Variants in STK32B observed in about 807,000 individuals in gnomAD.
STK32B encodes the protein serine/threonine kinase 32B.
Under a neutral mutation model 52.6 loss-of-function variants are expected in STK32B, and 43 were observed. The ratio of observed to expected loss-of-function variants is 0.82; its 90% CI spans 0.64 to 1.05. The LOEUF is 1.05. Ranked by LOEUF, STK32B falls within the 50% of genes least tolerant of loss-of-function variation. The probability of loss-of-function intolerance (pLI) is 0.00; values close to 1 mark genes in which losing one functional copy is unlikely to be tolerated. For missense variants in STK32B, 621 were observed against 534.6 expected, an observed-to-expected ratio of 1.16 and a Z score of -1.59; for synonymous variants, 238 against 204.3, an observed-to-expected ratio of 1.17 and a Z score of -1.41.
intron 2 of STK32B, among the ~76,000 whole-genome samples, chr4:5,163,560 G>A (rs1436912252): frequency 6.7e-6 from 1 of 150,260 alleles, no homozygotes; most frequent in Non-Finnish European, 1.5e-5. Flanking sequence ...GTGTGTGTGT[G>A]TGTGTGTGTG....
intron 11 of STK32B, among the ~76,000 whole-genome samples, chr4:5,490,887 T>TA (rs1279153483): frequency 6.6e-6 from 1 of 152,204 alleles, no homozygotes; most frequent in Non-Finnish European, 1.5e-5. Flanking sequence ...TCCATGTCCC[T>TA]ACAAAGGACA....
chr4:5,381,566 G>A (rs1031955579), intron 4 of STK32B, among the ~76,000 whole-genome samples: 1 of 152,184 alleles, frequency 6.6e-6, no homozygotes, highest in African/African-American at 2.4e-5. Context: ...CACATGCTAG[G>A]GGCTGGCCAT....
At chr4:5,188,776 CTTTT>C (rs1344183588) in intron 3 of STK32B, among the ~76,000 whole-genome samples, 1 of 112,902 alleles carries the variant, frequency 8.9e-6, no homozygotes, top group African/African-American at 3.2e-5. Context: ...TAACTGCCAT[CTTTT>C]TTTTTTTTTT....
chr4:5,186,051 A>G (rs1024066913), intron 3 of STK32B, among the ~76,000 whole-genome samples: 1 of 152,178 alleles, frequency 6.6e-6, no homozygotes, highest in Non-Finnish European at 1.5e-5. Flanking sequence ...CATCCTCCAC[A>G]GGAATTCATT....
intron 4 of STK32B, among the ~76,000 whole-genome samples, chr4:5,348,166 C>T (rs1411349400): frequency 6.6e-6 from 1 of 152,062 alleles, no homozygotes; most frequent in Admixed American, 6.5e-5. Flanking sequence ...GTGAGAGACC[C>T]CTCAGGGGTC....
At chr4:5,490,970 T>C (rs1719682762) in intron 11 of STK32B, among the ~76,000 whole-genome samples, 1 of 152,208 alleles carries the variant, frequency 6.6e-6, no homozygotes, top group Admixed American at 6.5e-5. Flanking sequence ...ATCCAGTCTA[T>C]CATTGTTGGA....
intron 2 of STK32B, among the ~76,000 whole-genome samples, chr4:5,144,234 G>A (rs1716730725): frequency 6.6e-6 from 1 of 152,174 alleles, no homozygotes; most frequent in Non-Finnish European, 1.5e-5. Flanking sequence ...ATTCATGCAT[G>A]CACTTTGAGT....
intron 1 of STK32B, among the ~76,000 whole-genome samples, chr4:5,113,547 G>C (rs564833830): frequency 3.2e-4 from 49 of 152,274 alleles, no homozygotes; most frequent in African/African-American, 1.1e-3. Context: ...GCATAACCTA[G>C]CCATACTGAC....
intron 2 of STK32B, among the ~76,000 whole-genome samples, chr4:5,166,190 A>G (rs3806721): frequency 0.86 from 130,463 of 151,934 alleles, 56,184 homozygotes; most frequent in East Asian, 0.98. Flanking sequence ...TGGGTCCTCA[A>G]GCCAACAGCG....
In STK32B at chr4:5,456,827, G is replaced by A. The variant is rs576832282; in HGVS notation, c.687G>A (p.Ser229=). 57 of 1,590,256 alleles carry A rather than the reference G, an allele frequency of 3.6e-5. No individual in the cohort carries two copies. The highest frequency in any genetic ancestry group is 4.5e-5 in the Non-Finnish European group (52 of 1,165,588). The change falls in exon 8 of 12, where the codon TCG becomes TCA. Residue 229 remains serine (S), a synonymous_variant. Coordinates refer to ENST00000282908, the MANE Select transcript of STK32B (RefSeq NM_018401.3). Reference sequence around the variant, plus strand: ...TGCAGAGGCCGTACGAAATCCACTCGGTCACGCCCATCGATGAAATCCTCA... The same window carrying A: ...TGCAGAGGCCGTACGAAATCCACTCAGTCACGCCCATCGATGAAATCCTCA... ...LRGWRPYEIH[S]VTPIDEILNM...
At chr4:5,140,241 T>C in intron 2 of STK32B, 2 of 1,447,160 alleles carry the variant, frequency 1.4e-6, no homozygotes. Context: ...GTGAGGAAAG[T>C]TGAAAAAAAA....
At chr4:5,475,861 A>T (rs983408685) in intron 11 of STK32B, among the ~76,000 whole-genome samples, 8 of 151,826 alleles carry the variant, frequency 5.3e-5, no homozygotes, top group Admixed American at 3.3e-4. Context: ...TTCACACTTG[A>T]TCTACAATTA....
intron 4 of STK32B, among the ~76,000 whole-genome samples, chr4:5,336,186 C>CTG (rs1732681678): frequency 1.3e-5 from 2 of 149,248 alleles, no homozygotes; most frequent in African/African-American, 5.0e-5. Flanking sequence ...ACACACACAA[C>CTG]TGAGATCAAA....
chr4:5,080,242 A>G (rs376646075), intron 1 of STK32B, among the ~76,000 whole-genome samples: 8 of 152,146 alleles, frequency 5.3e-5, no homozygotes, highest in African/African-American at 1.7e-4. Context: ...GCCACCTCTC[A>G]GACACCATCG....
chr4:5,450,457 G>T (rs191562539), intron 7 of STK32B, among the ~76,000 whole-genome samples: 18 of 152,134 alleles, frequency 1.2e-4, no homozygotes, highest in African/African-American at 4.3e-4. Context: ...TCCAGGGAGC[G>T]TTGTACCTCC....
At chr4:5,489,098 T>A (rs1362094226) in intron 11 of STK32B, among the ~76,000 whole-genome samples, 2 of 152,176 alleles carry the variant, frequency 1.3e-5, no homozygotes, top group Non-Finnish European at 1.5e-5. Context: ...TTTGAAGTCG[T>A]AATTGAAAAT....
rs1356190501 is a variant in STK32B, at chr4:5,317,021, A to T, written c.261-14199A>T. ...ATAATATATAATATATATAATATAT[A>T]ATATATATGATATAATATATTATAT... On this transcript the variant is annotated intron_variant, in intron 3 of 11. Coordinates refer to ENST00000282908, the MANE Select transcript of STK32B (RefSeq NM_018401.3). Among the ~76,000 whole-genome samples, 20 of 41,290 alleles carry T rather than the reference A, an allele frequency of 4.8e-4. 1 individual carries two copies. In the South Asian group the frequency reaches 0.013, roughly 26 times the overall value. 27.1% of individuals were successfully genotyped at this position (41,290 alleles called of 152,430 possible).
intron 3 of STK32B, among the ~76,000 whole-genome samples, chr4:5,255,038 T>C (rs1726203507): frequency 6.6e-6 from 1 of 151,736 alleles, no homozygotes; most frequent in African/African-American, 2.4e-5. Flanking sequence ...TTCACAATGA[T>C]TAAAATCAGA....
At position 5,302,970 on chromosome 4, in the gene STK32B, A is replaced by ATGTGTGTGTGTCTGTG. The variant is rs771613065; in HGVS notation, c.261-28238_261-28223dup. 7.9e-4 allele frequency among the ~76,000 whole-genome samples: 116 copies of ATGTGTGTGTGTCTGTG among 146,460 alleles called. 1 individual carries two copies. The highest frequency in any genetic ancestry group is 1.8e-4 in the Non-Finnish European group (12 of 67,638). On this transcript the variant is annotated intron_variant, in intron 3 of 11. Transcript: ENST00000282908. The stretch of plus-strand genomic sequence containing the variant: ...ATGGCTGAGTAGTATTCTATGGTAT[A>ATGTGTGTGTGTCTGTG]TGTGTGTGTGTCTGTGTGTGTGTGT...
Sources: gnomAD v4.1 joint callset for allele counts (sites outside exome capture counted in the v4.1 genomes callset) on GRCh38, gnomAD v4.1.1 for gene constraint, MANE v1.5 for transcripts, NCBI Gene and HGNC (gene_info 2026-07-23, HGNC 2026-07-21) for gene names.